Variants in NSMCE2 observed in about 807,000 individuals in gnomAD.
The protein encoded by NSMCE2 is NSE2 SUMO ligase component of SMC5/6 complex.
A neutral mutation model predicts 23.8 loss-of-function variants in NSMCE2; 24 were observed. The observed-to-expected ratio is 1.01, with a 90% CI of 0.73 to 1.42. NSMCE2 has a LOEUF of 1.42. Among genes scored for constraint, NSMCE2 ranks in the 40% most tolerant of loss-of-function variants. NSMCE2 has a pLI of 0.00. For synonymous variants in NSMCE2, 92 were observed against 94.1 expected (o/e 0.98, Z 0.13); for missense variants, 284 against 296.5 (o/e 0.96, Z 0.31).
chr8:125,313,254 G>GAA (rs1176398738), intron 5 of NSMCE2, among the ~76,000 whole-genome samples: 35 of 128,352 alleles, frequency 2.7e-4, no homozygotes, highest in African/African-American at 8.2e-4. Flanking sequence ...GAAAAGAAAA[G>GAA]AAGGAAAGAA....
At chr8:125,186,645 T>A (rs948588075) in intron 5 of NSMCE2, among the ~76,000 whole-genome samples, 2 of 152,154 alleles carry the variant, frequency 1.3e-5, no homozygotes, top group Admixed American at 1.3e-4. Context: ...ATGTGGGACC[T>A]AAGTGAGGAG....
chr8:125,240,980 G>GTACA (rs1334434902), intron 5 of NSMCE2, among the ~76,000 whole-genome samples: 1 of 152,110 alleles, frequency 6.6e-6, no homozygotes, highest in Non-Finnish European at 1.5e-5. Flanking sequence ...GTCACTGGTG[G>GTACA]TACAGGTTGA....
intron 5 of NSMCE2, among the ~76,000 whole-genome samples, chr8:125,194,595 T>C (rs934019727): frequency 1.3e-5 from 2 of 152,212 alleles, no homozygotes; most frequent in African/African-American, 4.8e-5. Context: ...TTAATTTCTA[T>C]TGAGTAAATA....
At chr8:125,281,520 G>C (rs1004234023) in intron 5 of NSMCE2, among the ~76,000 whole-genome samples, 3 of 151,772 alleles carry the variant, frequency 2.0e-5, no homozygotes, top group African/African-American at 7.3e-5. Flanking sequence ...GCTCACTGCA[G>C]CCTCCACCTC....
chr8:125,132,240 A>G (rs1173447546), intron 3 of NSMCE2, among the ~76,000 whole-genome samples: 2 of 151,968 alleles, frequency 1.3e-5, no homozygotes, highest in Non-Finnish European at 2.9e-5. Flanking sequence ...TGGGACTACA[A>G]GCGTACACCA....
At chr8:125,272,223 C>T (rs1263563150) in intron 5 of NSMCE2, among the ~76,000 whole-genome samples, 1 of 151,574 alleles carries the variant, frequency 6.6e-6, no homozygotes, top group African/African-American at 2.4e-5. Flanking sequence ...ATTGTGTTAG[C>T]CAGGATGGTC....
chr8:125,191,361 T>C (rs1171455171), intron 5 of NSMCE2, among the ~76,000 whole-genome samples: 1 of 152,158 alleles, frequency 6.6e-6, no homozygotes, highest in African/African-American at 2.4e-5. Context: ...GAAAACACTT[T>C]TGTGTGTTTT....
At chr8:125,262,155 A>G (rs1826721498) in intron 5 of NSMCE2, among the ~76,000 whole-genome samples, 2 of 150,670 alleles carry the variant, frequency 1.3e-5, no homozygotes, top group South Asian at 4.2e-4. Context: ...GCCGGGTGCG[A>G]TGGCTCACAC....
rs1818307917 is a variant in NSMCE2 at position 125,103,588 on chromosome 8, C to T, written c.157+1101C>T. Among the ~76,000 whole-genome samples the T allele has an allele frequency of 2.6e-5, 4 of 152,206 alleles. No homozygotes were observed. The South Asian group carries it at 8.3e-4, about 32-fold the overall frequency. ...TTTTTTAATTCCTCTGCTCTCCTCTCCTTCTGTGTGACTCACATTTCATGT... is the reference window on the plus strand; with the variant it reads ...TTTTTTAATTCCTCTGCTCTCCTCTTCTTCTGTGTGACTCACATTTCATGT... On this transcript the variant is annotated intron_variant, in intron 3 of 7. Transcript: ENST00000287437.
chr8:125,290,043 G>C (rs1159378406), intron 5 of NSMCE2, among the ~76,000 whole-genome samples: 1 of 152,150 alleles, frequency 6.6e-6, no homozygotes, highest in Non-Finnish European at 1.5e-5. Context: ...ATGGAAATGA[G>C]TCTGTATTAC....
rs191235515 is a variant in NSMCE2, at chr8:125,309,862, A to G, written c.419-47357A>G. 3.1e-3 allele frequency among the ~76,000 whole-genome samples: 465 copies of G among 152,378 alleles called. 2 individuals are homozygous for G. Among genetic ancestry groups the G allele is most frequent in the African/African-American group, 0.011 (447 of 41,588 alleles). On this transcript the variant is annotated intron_variant, in intron 5 of 7. Transcript: ENST00000287437. Reference sequence around the variant, plus strand: ...TATTGAGCAAGGCCTACACTGAGCTAGAGCATGATCTAATAAGATTGGACT... The same window carrying G: ...TATTGAGCAAGGCCTACACTGAGCTGGAGCATGATCTAATAAGATTGGACT...
chr8:125,157,131 GGA>G (rs1304037313), intron 4 of NSMCE2, among the ~76,000 whole-genome samples: 1 of 152,168 alleles, frequency 6.6e-6, no homozygotes, highest in Admixed American at 6.6e-5. Context: ...AAAAGAAGAA[GGA>G]GGGGGAAATT....
intron 3 of NSMCE2, among the ~76,000 whole-genome samples, chr8:125,129,760 C>T (rs1326774306): frequency 6.6e-6 from 1 of 151,902 alleles, no homozygotes; most frequent in Non-Finnish European, 1.5e-5. Flanking sequence ...TTTCTTTCAC[C>T]TCATTTTGCA....
At chr8:125,338,891 A>T (rs1006552682) in intron 5 of NSMCE2, among the ~76,000 whole-genome samples, 6 of 152,198 alleles carry the variant, frequency 3.9e-5, no homozygotes, top group Non-Finnish European at 8.8e-5. Context: ...ATCTCAGTTT[A>T]GGCCAAAGAT....
chr8:125,206,480 A>T (rs1235448581), intron 5 of NSMCE2, among the ~76,000 whole-genome samples: 3 of 152,218 alleles, frequency 2.0e-5, no homozygotes, highest in Non-Finnish European at 4.4e-5. Context: ...AGTACTGATG[A>T]TATGCTGAAC....
At chr8:125,125,827 A>G (rs186130366) in intron 3 of NSMCE2, among the ~76,000 whole-genome samples, 66 of 152,322 alleles carry the variant, frequency 4.3e-4, no homozygotes, top group East Asian at 5.8e-4. Context: ...TGTGAGTATC[A>G]TAGTTCACCT....
chr8:125,182,850 T>G (rs936443794), intron 5 of NSMCE2: 3 of 152,328 alleles, frequency 2.0e-5, no homozygotes, highest in African/African-American at 7.2e-5. Flanking sequence ...GCAATGTAAT[T>G]TTTTATACCA....
At chr8:125,364,190 T>G (rs1240426118) in intron 7 of NSMCE2, among the ~76,000 whole-genome samples, 1 of 152,144 alleles carries the variant, frequency 6.6e-6, no homozygotes, top group African/African-American at 2.4e-5. Context: ...GTGATCCACC[T>G]GCCTCGGCCT....
intron 5 of NSMCE2, among the ~76,000 whole-genome samples, chr8:125,337,434 A>G (rs1830093516): frequency 6.6e-6 from 1 of 152,226 alleles, no homozygotes; most frequent in Non-Finnish European, 1.5e-5. Context: ...TACTTGGGCA[A>G]TTATCTCTGT....
Sources: gnomAD v4.1 joint callset for allele counts (sites outside exome capture counted in the v4.1 genomes callset) on GRCh38, gnomAD v4.1.1 for gene constraint, MANE v1.5 for transcripts, NCBI Gene and HGNC (gene_info 2026-07-23, HGNC 2026-07-21) for gene names.